Variants in TNFSF4 observed in about 807,000 individuals in gnomAD.
TNFSF4 encodes the protein tumor necrosis factor ligand superfamily member 4.
Under a neutral mutation model 7.3 loss-of-function variants are expected in TNFSF4, and 4 were observed. The observed-to-expected ratio is 0.55, with a 90% CI of 0.27 to 1.25. The LOEUF (loss-of-function observed/expected upper bound fraction) is 1.25, where lower values mean the gene tolerates loss of function less well. TNFSF4 is among the 50% of genes most tolerant of loss of function. The pLI is 0.12. For synonymous variants in TNFSF4, 76 were observed against 83.7 expected, an observed-to-expected ratio of 0.91 and a Z score of 0.50; for missense variants, 181 against 208.8, an observed-to-expected ratio of 0.87 and a Z score of 0.82.
chr1:173,322,781 G>A, the TNFSF4 span, among the ~76,000 whole-genome samples: 5 of 152,156 alleles, frequency 3.3e-5, no homozygotes, highest in South Asian at 4.1e-4. Flanking sequence ...ACGGAGCCTC[G>A]CTCACTGCTA....
At chr1:173,182,163 G>A (rs2101975676), downstream of TNFSF4, among the ~76,000 whole-genome samples, 1 of 152,144 alleles carries the variant, frequency 6.6e-6, no homozygotes, top group African/African-American at 2.4e-5. Context: ...TTATAAACTT[G>A]GTTCTTATGT....
chr1:173,371,561 T>A, the TNFSF4 span, among the ~76,000 whole-genome samples: 1 of 152,202 alleles, frequency 6.6e-6, no homozygotes, highest in Middle Eastern at 3.4e-3. Context: ...CTGAAGCTCA[T>A]AAAGGGTTAC....
At chr1:173,236,492 G>A in the TNFSF4 span, among the ~76,000 whole-genome samples, 1 of 151,606 alleles carries the variant, frequency 6.6e-6, no homozygotes, top group Admixed American at 6.6e-5. Context: ...AAAAAAAGAT[G>A]TTAAGAAATG....
At chr1:173,292,381 C>A in the TNFSF4 span, among the ~76,000 whole-genome samples, 1 of 152,028 alleles carries the variant, frequency 6.6e-6, no homozygotes, top group Non-Finnish European at 1.5e-5. Context: ...AAAACAAAAA[C>A]CATATGATCA....
the TNFSF4 span, among the ~76,000 whole-genome samples, chr1:173,420,965 T>C: frequency 1.3e-5 from 2 of 152,230 alleles, no homozygotes; most frequent in African/African-American, 4.8e-5. Context: ...CATTTGTTTT[T>C]TACTATGCAC....
chr1:173,398,538 C>A, the TNFSF4 span, among the ~76,000 whole-genome samples: 12 of 151,558 alleles, frequency 7.9e-5, no homozygotes, highest in African/African-American at 2.7e-4. Flanking sequence ...CATTCTCCTG[C>A]CTCAGCCTCC....
chr1:173,441,090 A>G, the TNFSF4 span, among the ~76,000 whole-genome samples: 1 of 152,190 alleles, frequency 6.6e-6, no homozygotes, highest in Non-Finnish European at 1.5e-5. Context: ...ACCTCCTCTC[A>G]GGGCCTGTGC....
chr1:173,210,484 C>T (rs1489486483), upstream of TNFSF4, among the ~76,000 whole-genome samples: 1 of 152,050 alleles, frequency 6.6e-6, no homozygotes, highest in Non-Finnish European at 1.5e-5. Flanking sequence ...CAGGGAACTA[C>T]AGCTGAAGAG....
chr1:173,395,258 T>C, the TNFSF4 span, among the ~76,000 whole-genome samples: 1 of 150,446 alleles, frequency 6.6e-6, no homozygotes, highest in Non-Finnish European at 1.5e-5. Context: ...TTTTCAGTAG[T>C]AAAGAGAGCA....
chr1:173,410,970 T>C, the TNFSF4 span, among the ~76,000 whole-genome samples: 1 of 152,182 alleles, frequency 6.6e-6, no homozygotes, highest in East Asian at 1.9e-4. Flanking sequence ...CCTTAATGTG[T>C]GGTTTTCACC....
chr1:173,435,509 G>A, the TNFSF4 span, among the ~76,000 whole-genome samples: 2 of 152,282 alleles, frequency 1.3e-5, no homozygotes, highest in East Asian at 1.9e-4. Context: ...CCTGCCGCAT[G>A]AGCACACATC....
At chr1:173,223,833 C>T in the TNFSF4 span, among the ~76,000 whole-genome samples, 1 of 152,150 alleles carries the variant, frequency 6.6e-6, no homozygotes, top group African/African-American at 2.4e-5. Flanking sequence ...AGCAAGAGCT[C>T]CAGGCAAAGG....
At chr1:173,276,956 C>A in the TNFSF4 span, among the ~76,000 whole-genome samples, 14 of 152,050 alleles carry the variant, frequency 9.2e-5, no homozygotes, top group African/African-American at 3.4e-4. Context: ...CTCTTCCCTT[C>A]ATACAAGTAC....
chr1:173,332,593 T>C, the TNFSF4 span, among the ~76,000 whole-genome samples: 3 of 151,978 alleles, frequency 2.0e-5, no homozygotes, highest in South Asian at 2.1e-4. Context: ...CGGTGGCTCA[T>C]GCCTGTAATC....
chr1:173,421,063 T>C, the TNFSF4 span, among the ~76,000 whole-genome samples: 1 of 152,214 alleles, frequency 6.6e-6, no homozygotes, highest in Non-Finnish European at 1.5e-5. Flanking sequence ...ACTGTGGTAT[T>C]ATTTTATCCT....
chr1:173,333,926 G>GTTCAGGGTTCTCCAGGGT, the TNFSF4 span, among the ~76,000 whole-genome samples: 3 of 151,994 alleles, frequency 2.0e-5, no homozygotes, highest in African/African-American at 7.3e-5. Context: ...TATCAGCAGG[G>GTTCAGGGTTCTCCAGGGT]TTCAGGGTTC....
the TNFSF4 span, among the ~76,000 whole-genome samples, chr1:173,320,456 T>C: frequency 6.6e-6 from 1 of 152,118 alleles, no homozygotes; most frequent in South Asian, 2.1e-4. Context: ...CTATTCAACA[T>C]AGTATTGGAA....
chr1:173,407,957 A>G, the TNFSF4 span, among the ~76,000 whole-genome samples: 1 of 152,144 alleles, frequency 6.6e-6, no homozygotes, highest in Non-Finnish European at 1.5e-5. Context: ...CCCTTATAGA[A>G]GAGGCTCAGA....
chr1:173,267,062 AG>A, the TNFSF4 span, among the ~76,000 whole-genome samples: 1 of 152,206 alleles, frequency 6.6e-6, no homozygotes, highest in African/African-American at 2.4e-5. Flanking sequence ...AAAGATGCAT[AG>A]CCAGTGACTG....
Sources: allele counts gnomAD v4.1 joint callset (sites outside exome capture counted in the v4.1 genomes callset), GRCh38; gene constraint gnomAD v4.1.1; transcripts MANE v1.5; gene names NCBI Gene and HGNC (gene_info 2026-07-23, HGNC 2026-07-21).